Variants in ARHGAP15 observed in about 807,000 individuals in gnomAD.
ARHGAP15 encodes the protein rho GTPase-activating protein 15.
Under a neutral mutation model 63.7 loss-of-function variants are expected in ARHGAP15, and 51 were observed. The observed-to-expected ratio is 0.80, with a 90% CI of 0.64 to 1.01. ARHGAP15 has a LOEUF of 1.01. ARHGAP15 is among the 50% of genes least tolerant of loss of function. The pLI is 0.00. For missense variants in ARHGAP15, 560 were observed against 564.6 expected, an observed-to-expected ratio of 0.99 and a Z score of 0.08; for synonymous variants, 191 against 193.8, an observed-to-expected ratio of 0.99 and a Z score of 0.12.
intron 13 of ARHGAP15, among the ~76,000 whole-genome samples, chr2:143,726,406 C>T (rs1685278335): frequency 6.6e-6 from 1 of 150,654 alleles, no homozygotes; most frequent in Non-Finnish European, 1.5e-5. Context: ...ATTTATTACT[C>T]TGCCTGAAAA....
chr2:143,642,096 T>C (rs916370833), intron 12 of ARHGAP15, among the ~76,000 whole-genome samples: 14 of 152,256 alleles, frequency 9.2e-5, no homozygotes, highest in African/African-American at 3.1e-4. Flanking sequence ...ATGGCATGTA[T>C]AGTATAAGCC....
chr2:143,367,242 T>C (rs1017036118), intron 6 of ARHGAP15, among the ~76,000 whole-genome samples: 4 of 152,168 alleles, frequency 2.6e-5, no homozygotes, highest in African/African-American at 9.6e-5. Flanking sequence ...ATTAATTTTA[T>C]CATCACCTCT....
intron 6 of ARHGAP15, among the ~76,000 whole-genome samples, chr2:143,428,004 T>C (rs533328818): frequency 9.2e-5 from 14 of 152,250 alleles, no homozygotes; most frequent in African/African-American, 3.1e-4. Context: ...CAGCCATGCA[T>C]GTAGACAATT....
intron 10 of ARHGAP15, among the ~76,000 whole-genome samples, chr2:143,544,059 C>G (rs1695222228): frequency 6.6e-6 from 1 of 152,122 alleles, no homozygotes; most frequent in African/African-American, 2.4e-5. Flanking sequence ...TCACAAAAGC[C>G]AATGGTATAA....
intron 5 of ARHGAP15, chr2:143,235,870 G>A (rs1558832179): frequency 1.4e-6 from 2 of 1,469,240 alleles, no homozygotes; most frequent in Non-Finnish European, 1.8e-6. Context: ...TTTAGTATCA[G>A]TGAAGTATTT....
intron 6 of ARHGAP15, among the ~76,000 whole-genome samples, chr2:143,363,440 A>G (rs1686150610): frequency 6.6e-6 from 1 of 152,146 alleles, no homozygotes; most frequent in South Asian, 2.1e-4. Context: ...GTTTACAGTG[A>G]GCCGAGATTG....
intron 8 of ARHGAP15, among the ~76,000 whole-genome samples, chr2:143,468,861 A>T (rs1010930152): frequency 6.6e-6 from 1 of 152,168 alleles, no homozygotes; most frequent in Non-Finnish European, 1.5e-5. Flanking sequence ...TCAAACCTCA[A>T]ATTGAACAAA....
At chr2:143,760,627 C>T (rs1398797301) in intron 13 of ARHGAP15, among the ~76,000 whole-genome samples, 1 of 152,086 alleles carries the variant, frequency 6.6e-6, no homozygotes, top group Admixed American at 6.6e-5. Flanking sequence ...CAATCTTCTG[C>T]ATTGAAATTC....
intron 11 of ARHGAP15, among the ~76,000 whole-genome samples, chr2:143,609,026 G>A (rs1698154491): frequency 6.6e-6 from 1 of 152,190 alleles, no homozygotes; most frequent in Non-Finnish European, 1.5e-5. Context: ...CTAAAAGGAA[G>A]TGTAAATCTC....
intron 8 of ARHGAP15, among the ~76,000 whole-genome samples, chr2:143,444,758 C>T (rs1690055610): frequency 6.6e-6 from 1 of 152,048 alleles, no homozygotes; most frequent in Non-Finnish European, 1.5e-5. Flanking sequence ...CATAGTATAG[C>T]CCTCACTAAA....
intron 1 of ARHGAP15, among the ~76,000 whole-genome samples, chr2:143,138,345 G>T (rs1689228285): frequency 6.6e-6 from 1 of 151,920 alleles, no homozygotes; most frequent in South Asian, 2.1e-4. Context: ...CATAGATCTG[G>T]GTAATGCAAA....
intron 12 of ARHGAP15, among the ~76,000 whole-genome samples, chr2:143,666,476 A>T (rs1351143384): frequency 2.0e-5 from 3 of 150,438 alleles, no homozygotes; most frequent in Non-Finnish European, 3.0e-5. Flanking sequence ...CTAGAAGAAA[A>T]CCTAGGCATT....
chr2:143,520,536 A>G (rs1694015970), intron 10 of ARHGAP15, among the ~76,000 whole-genome samples: 1 of 152,156 alleles, frequency 6.6e-6, no homozygotes, highest in African/African-American at 2.4e-5. Context: ...CAGTGAGAGT[A>G]GAAAGCAGCA....
At chr2:143,183,727 T>C (rs866407088) in intron 2 of ARHGAP15, among the ~76,000 whole-genome samples, 67 of 151,482 alleles carry the variant, frequency 4.4e-4, no homozygotes, top group Non-Finnish European at 7.4e-4. Flanking sequence ...CTTTTCTTTT[T>C]TTTTTTTTTA....
chr2:143,143,358 A>G (rs903694326), intron 1 of ARHGAP15, among the ~76,000 whole-genome samples: 4 of 152,082 alleles, frequency 2.6e-5, no homozygotes, highest in African/African-American at 2.4e-5. Flanking sequence ...TACAATTAAC[A>G]TAGTATATTG....
At chr2:143,404,225 G>C (rs1361585820) in intron 6 of ARHGAP15, among the ~76,000 whole-genome samples, 2 of 151,526 alleles carry the variant, frequency 1.3e-5, no homozygotes, top group Admixed American at 6.6e-5. Context: ...ATATACTGCA[G>C]GCAAAGGAGA....
intron 1 of ARHGAP15, among the ~76,000 whole-genome samples, chr2:143,153,058 G>C (rs1451810763): frequency 6.6e-6 from 1 of 151,878 alleles, no homozygotes; most frequent in African/African-American, 2.4e-5. Context: ...ATATCACTAG[G>C]CAAATTATGG....
intron 13 of ARHGAP15, among the ~76,000 whole-genome samples, chr2:143,760,141 C>T (rs767373697): frequency 3.3e-5 from 5 of 152,106 alleles, no homozygotes; most frequent in East Asian, 1.9e-4. Context: ...ATAGTAAGTA[C>T]GCAATAGATT....
intron 10 of ARHGAP15, among the ~76,000 whole-genome samples, chr2:143,542,728 CAT>C (rs1331142075): frequency 1.9e-5 from 2 of 107,432 alleles, no homozygotes; most frequent in African/African-American, 6.8e-5. Context: ...TATAATATCA[CAT>C]ATATAATATA....
Sources: allele counts gnomAD v4.1 joint callset (sites outside exome capture counted in the v4.1 genomes callset), GRCh38; gene constraint gnomAD v4.1.1; transcripts MANE v1.5; gene names NCBI Gene and HGNC (gene_info 2026-07-23, HGNC 2026-07-21).